The following ENTPD1 variants were observed in gnomAD, a reference collection of about 807,000 sequenced individuals.
ENTPD1 encodes the protein ectonucleoside triphosphate diphosphohydrolase 1, also known as ATP diphosphohydrolase.
In ENTPD1, 33 loss-of-function variants were observed where a neutral mutation model predicts 57.0. The observed-to-expected ratio is 0.58, with a 90% CI of 0.44 to 0.77. The LOEUF is 0.77. Among genes scored for constraint, ENTPD1 ranks in the 30% least tolerant of loss-of-function variants. The pLI is 0.00. For synonymous variants in ENTPD1, 202 were observed against 218.8 expected (o/e 0.92, Z 0.68); for missense variants, 501 against 603.4 (o/e 0.83, Z 1.78).
intron 1 of ENTPD1, among the ~76,000 whole-genome samples, chr10:95,770,256 A>AGTGTGTGTGTGTGTGT (rs1555282687): frequency 6.7e-5 from 9 of 135,008 alleles, no homozygotes; most frequent in African/African-American, 1.6e-4. Context: ...TGAGTGAGTG[A>AGTGTGTGTGTGTGTGT]GTGTGTGTGT....
intron 8 of ENTPD1, among the ~76,000 whole-genome samples, chr10:95,862,981 A>C (rs1386241798): frequency 6.6e-6 from 1 of 152,196 alleles, no homozygotes; most frequent in East Asian, 1.9e-4. Context: ...AAAGGAGAGA[A>C]GAGAGAGGGG....
Position 95,868,692 on chromosome 10 carries a change from T to C in ENTPD1, c.*2309T>C, listed in dbSNP as rs902697959. 7.1e-6 allele frequency: 7 copies of C among 980,784 alleles called. No individual in the cohort carries two copies. Among genetic ancestry groups the C allele is most frequent in the Non-Finnish European group, 8.5e-6 (7 of 825,806 alleles). The allele number at this position is 980,784 out of a possible 1,614,324, so 60.8% of individuals were successfully genotyped here. On this transcript the variant is annotated 3_prime_UTR_variant, in exon 10 of 10. Transcript: ENST00000371205. ...ACAAACTACTACATGGCAGAGCAGA[T>C]ACTCCAACTCATGTCTTCTGGTTGA...
chr10:95,827,473 TTTTTG>T (rs1053080749), intron 2 of ENTPD1, among the ~76,000 whole-genome samples: 33 of 151,390 alleles, frequency 2.2e-4, no homozygotes, highest in African/African-American at 7.7e-4. Flanking sequence ...AAAAATTTCG[TTTTTG>T]TTTTGTTTTG....
chr10:95,712,062 A>G (rs548232845), intron 1 of ENTPD1: 1 of 1,605,558 alleles, frequency 6.2e-7, no homozygotes, highest in East Asian at 2.2e-5. Flanking sequence ...GCCGATGGTA[A>G]AAATCACTGT....
chr10:95,694,895 ATTTTTTT>A, the ENTPD1 span, among the ~76,000 whole-genome samples: 36 of 98,744 alleles, frequency 3.6e-4, no homozygotes, highest in African/African-American at 1.2e-3. Flanking sequence ...TGAGGAGCTG[ATTTTTTT>A]TTTTTTTTTT....
chr10:95,853,817 T>A (rs2098449650), intron 7 of ENTPD1, among the ~76,000 whole-genome samples: 1 of 152,256 alleles, frequency 6.6e-6, no homozygotes. Context: ...TTTGATGTGC[T>A]GCTGGATTCG....
At chr10:95,813,781 G>A (rs1172446784) in intron 1 of ENTPD1, among the ~76,000 whole-genome samples, 1 of 152,102 alleles carries the variant, frequency 6.6e-6, no homozygotes, top group Non-Finnish European at 1.5e-5. Context: ...TCTAAATTTT[G>A]TACCTCATTG....
chr10:95,724,720 C>A (rs943227337), intron 1 of ENTPD1, among the ~76,000 whole-genome samples: 1 of 152,184 alleles, frequency 6.6e-6, no homozygotes, highest in Non-Finnish European at 1.5e-5. Context: ...AGTGATGGGT[C>A]TGCGACGGTG....
chr10:95,703,415 C>A, the ENTPD1 span, among the ~76,000 whole-genome samples: 1 of 152,098 alleles, frequency 6.6e-6, no homozygotes, highest in African/African-American at 2.4e-5. Flanking sequence ...TAAAGTAAAA[C>A]TTTTAGATGA....
At chr10:95,804,149 T>A (rs949314885) in intron 1 of ENTPD1, among the ~76,000 whole-genome samples, 1 of 152,214 alleles carries the variant, frequency 6.6e-6, no homozygotes, top group Non-Finnish European at 1.5e-5. Context: ...TGCCTCCAGC[T>A]TTGTTCTTCT....
At chr10:95,827,409 C>T (rs909920728) in intron 2 of ENTPD1, among the ~76,000 whole-genome samples, 4 of 151,694 alleles carry the variant, frequency 2.6e-5, no homozygotes, top group African/African-American at 7.3e-5. Flanking sequence ...GAGCCAAGAT[C>T]ACGCCACTAC....
At chr10:95,810,883 G>A (rs537109675) in intron 1 of ENTPD1, among the ~76,000 whole-genome samples, 15 of 152,150 alleles carry the variant, frequency 9.9e-5, no homozygotes, top group Non-Finnish European at 1.5e-4. Flanking sequence ...AGAAAAAAAC[G>A]CAGAGGACCC....
chr10:95,845,883 G>A, intron 6 of ENTPD1: 1 of 449,012 alleles, frequency 2.2e-6, no homozygotes, highest in Non-Finnish European at 4.1e-6. Context: ...AAATTATGTG[G>A]TAGAATATTG....
intron 1 of ENTPD1, among the ~76,000 whole-genome samples, chr10:95,807,352 C>G (rs975681970): frequency 2.6e-5 from 4 of 152,346 alleles, no homozygotes; most frequent in Non-Finnish European, 4.4e-5. Flanking sequence ...TGCCAGTTGC[C>G]AAGACCTTGA....
intron 1 of ENTPD1, among the ~76,000 whole-genome samples, chr10:95,774,541 C>T (rs963486928): frequency 3.9e-5 from 6 of 152,216 alleles, no homozygotes; most frequent in Non-Finnish European, 8.8e-5. Context: ...TTTCAGCTTT[C>T]TACATATGCC....
At chr10:95,736,603 T>C (rs1391000097) in intron 1 of ENTPD1, among the ~76,000 whole-genome samples, 1 of 152,176 alleles carries the variant, frequency 6.6e-6, no homozygotes, top group Non-Finnish European at 1.5e-5. Flanking sequence ...GTAGCAATGA[T>C]GGTTGCACGC....
At chr10:95,694,774 G>A in the ENTPD1 span, among the ~76,000 whole-genome samples, 8 of 152,146 alleles carry the variant, frequency 5.3e-5, no homozygotes, top group African/African-American at 1.4e-4. Context: ...ACAGCAGCGC[G>A]GGCCATGGGA....
At chr10:95,701,372 C>T in the ENTPD1 span, among the ~76,000 whole-genome samples, 1 of 152,256 alleles carries the variant, frequency 6.6e-6, no homozygotes, top group East Asian at 1.9e-4. Flanking sequence ...ATAAAAGTTA[C>T]AGACTACCTA....
At position 95,748,085 on chromosome 10, in the gene ENTPD1, G is replaced by A. The variant is rs185165455; in HGVS notation, c.37+36092G>A. ...AGACGGAATTTCACTGTGTTAGCCC[G>A]GGTGGCCTTGATCTCCTGACCTCGT... On this transcript the variant is annotated intron_variant, in intron 1 of 9. Transcript: ENST00000453258. 1.9e-3 allele frequency among the ~76,000 whole-genome samples: 287 copies of A among 152,088 alleles called. 3 individuals are homozygous for A. The highest frequency in any genetic ancestry group is 6.3e-3 in the African/African-American group (263 of 41,490).
Sources: allele counts gnomAD v4.1 joint callset (sites outside exome capture counted in the v4.1 genomes callset), GRCh38; gene constraint gnomAD v4.1.1; transcripts MANE v1.5; gene names NCBI Gene and HGNC (gene_info 2026-07-23, HGNC 2026-07-21).